Variants in SGCD observed in about 807,000 individuals in gnomAD.
SGCD encodes delta-sarcoglycan.
In SGCD, 18 loss-of-function variants were observed where a neutral mutation model predicts 36.6. The observed-to-expected ratio is 0.49, with a 90% CI of 0.34 to 0.73. The LOEUF is 0.73. Among genes scored for constraint, SGCD ranks in the 30% least tolerant of loss-of-function variants. SGCD has a pLI of 0.01. For synonymous variants in SGCD, 133 were observed against 130.6 expected (o/e 1.02, Z -0.12); for missense variants, 387 against 346.7 (o/e 1.12, Z -0.92).
rs1757577590 is a variant in SGCD at position 156,765,870 on chromosome 5, C to A, written c.*6480C>A. On this transcript the variant is annotated 3_prime_UTR_variant, in exon 9 of 9. Coordinates refer to ENST00000337851, the MANE Select transcript of SGCD (RefSeq NM_000337.6). ...ACTAGATCTTCCTTGGTAGATGAAG[C>A]TATAGAACTTCTATTTTCCCTGCTT... 1 of 152,086 alleles carries A rather than the reference C, an allele frequency of 6.6e-6. No homozygotes were observed. The highest frequency in any genetic ancestry group is 2.4e-5 in the African/African-American group (1 of 41,406). 9.4% of individuals were successfully genotyped at this position (152,086 alleles called of 1,614,324 possible). A position where few individuals can be genotyped will look rare whatever the true frequency, so the allele number is the denominator to read the frequency against.
At chr5:155,972,953 G>A (rs1471770365) in intron 1 of SGCD, among the ~76,000 whole-genome samples, 1 of 151,988 alleles carries the variant, frequency 6.6e-6, no homozygotes, top group Non-Finnish European at 1.5e-5. Flanking sequence ...CCCTAGATAT[G>A]TCACATATGT....
the SGCD span, among the ~76,000 whole-genome samples, chr5:155,828,662 C>A: frequency 6.6e-6 from 1 of 151,880 alleles, no homozygotes; most frequent in African/African-American, 2.4e-5. Context: ...TGACTCAAAT[C>A]ACTTCTTTAC....
the SGCD span, among the ~76,000 whole-genome samples, chr5:155,750,217 C>T: frequency 6.6e-6 from 1 of 152,146 alleles, no homozygotes; most frequent in African/African-American, 2.4e-5. Flanking sequence ...TTTGTGTAAT[C>T]AAATGCCTTC....
At chr5:156,662,919 G>T (rs1485384657) in intron 7 of SGCD, among the ~76,000 whole-genome samples, 9 of 150,348 alleles carry the variant, frequency 6.0e-5, no homozygotes, top group African/African-American at 2.2e-4. Context: ...CGGTTTTTCT[G>T]TTTTCCAAGT....
At chr5:156,673,119 A>T (rs575252124) in intron 7 of SGCD, among the ~76,000 whole-genome samples, 119 of 152,292 alleles carry the variant, frequency 7.8e-4, no homozygotes, top group African/African-American at 2.5e-3. Context: ...TTACAAATCC[A>T]TTCCCCTCAA....
chr5:156,384,882 G>T (rs1313820388), intron 3 of SGCD, among the ~76,000 whole-genome samples: 1 of 152,294 alleles, frequency 6.6e-6, no homozygotes, highest in African/African-American at 2.4e-5. Flanking sequence ...GTTATTGAAA[G>T]CCAGTTATTC....
At chr5:156,671,520 C>T (rs1753294005) in intron 7 of SGCD, among the ~76,000 whole-genome samples, 1 of 152,072 alleles carries the variant, frequency 6.6e-6, no homozygotes, top group Non-Finnish European at 1.5e-5. Flanking sequence ...GTGATCCACC[C>T]ACCTCGGCCT....
chr5:156,695,516 GATAGATAGATAGA>G (rs1754281647), intron 7 of SGCD, among the ~76,000 whole-genome samples: 2 of 1,310 alleles, frequency 1.5e-3, no homozygotes, highest in African/African-American at 3.0e-3. Context: ...TAGATGGATA[GATAGATAGATAGA>G]TAGATAGATA....
chr5:155,871,256 G>A (rs981496505), intron 1 of SGCD, among the ~76,000 whole-genome samples: 12 of 152,118 alleles, frequency 7.9e-5, no homozygotes, highest in Non-Finnish European at 2.9e-5. Flanking sequence ...TTAATGTAAT[G>A]GGTCATCCTG....
At chr5:156,306,601 C>T (rs1446264769) in intron 3 of SGCD, among the ~76,000 whole-genome samples, 2 of 152,226 alleles carry the variant, frequency 1.3e-5, no homozygotes, top group African/African-American at 4.8e-5. Flanking sequence ...TCCTCCATGC[C>T]ATATGGCCAT....
intron 4 of SGCD, among the ~76,000 whole-genome samples, chr5:156,578,697 T>C (rs977496493): frequency 5.3e-5 from 8 of 152,224 alleles, no homozygotes; most frequent in Non-Finnish European, 8.8e-5. Context: ...CTGGTTTATT[T>C]GTGTAGAAGT....
intron 3 of SGCD, among the ~76,000 whole-genome samples, chr5:156,402,255 G>GT (rs1390638980): frequency 5.3e-5 from 8 of 152,146 alleles, no homozygotes; most frequent in African/African-American, 1.9e-4. Context: ...TGGAGTCCCT[G>GT]TTTTCCATTA....
chr5:156,429,102 A>C (rs1773806955), intron 3 of SGCD, among the ~76,000 whole-genome samples: 1 of 151,818 alleles, frequency 6.6e-6, no homozygotes, highest in Non-Finnish European at 1.5e-5. Flanking sequence ...TGTTTTATTG[A>C]AGTCCCCCAG....
intron 3 of SGCD, among the ~76,000 whole-genome samples, chr5:156,496,709 T>C (rs1756207034): frequency 6.6e-6 from 1 of 152,142 alleles, no homozygotes; most frequent in African/African-American, 2.4e-5. Context: ...AGCTCTGAGT[T>C]GACCCTGAAT....
chr5:156,143,166 G>A (rs1386406036), intron 3 of SGCD, among the ~76,000 whole-genome samples: 1 of 152,204 alleles, frequency 6.6e-6, no homozygotes, highest in Non-Finnish European at 1.5e-5. Flanking sequence ...TACAACTCAG[G>A]CCACTGCTTC....
intron 1 of SGCD, among the ~76,000 whole-genome samples, chr5:156,075,340 TAAA>T (rs1167139020): frequency 6.6e-6 from 1 of 151,896 alleles, no homozygotes; most frequent in Non-Finnish European, 1.5e-5. Context: ...TGAAAAAACT[TAAA>T]AGAGTAAAAA....
rs888709631 is a variant in SGCD at position 156,086,914 on chromosome 5, C to T, written c.-281-30964C>T. The stretch of plus-strand genomic sequence containing the variant: ...TAGTGGATATGCATTCTGGCTACTT[C>T]CTGCTGAATGGGGTGTAGTTAAAGG... On this transcript the variant is annotated intron_variant, in intron 1 of 9. Coordinates refer to the SGCD transcript ENST00000517913. 3.9e-5 allele frequency among the ~76,000 whole-genome samples: 6 copies of T among 152,162 alleles called. No individual in the cohort carries two copies. In the East Asian group the frequency reaches 1.2e-3, roughly 29 times the overall value.
chr5:156,752,683 C>T (rs1234194194), intron 7 of SGCD, among the ~76,000 whole-genome samples: 2 of 152,156 alleles, frequency 1.3e-5, no homozygotes, highest in Admixed American at 6.5e-5. Flanking sequence ...CGTGAGCTAC[C>T]GTGCCGGCCA....
At position 155,949,768 on chromosome 5, in the gene SGCD, G is replaced by A. The variant is rs1323054224; in HGVS notation, c.-282+79344G>A. On this transcript the variant is annotated intron_variant, in intron 1 of 9. Transcript: ENST00000517913. ...GTTACAGTGGCATAGCTGAGTAGTT[G>A]TGACAGAAATCACCTGGCCCGCAAA... is the stretch of plus-strand genomic sequence containing the variant. 2.6e-5 allele frequency among the ~76,000 whole-genome samples: 4 copies of A among 152,256 alleles called. No homozygotes were observed. In the South Asian group the frequency reaches 8.3e-4, roughly 32 times the overall value.
Sources: allele counts gnomAD v4.1 joint callset (sites outside exome capture counted in the v4.1 genomes callset), GRCh38; gene constraint gnomAD v4.1.1; transcripts MANE v1.5; gene names NCBI Gene and HGNC (gene_info 2026-07-23, HGNC 2026-07-21).